The following PGAP2 variants were observed in gnomAD, a reference collection of about 807,000 sequenced individuals.
The protein encoded by PGAP2 is acyltransferase PGAP2.
Under a neutral mutation model 33.2 loss-of-function variants are expected in PGAP2, and 21 were observed. The observed-to-expected ratio is 0.63, with a 90% CI of 0.45 to 0.91. PGAP2 has a LOEUF of 0.91. PGAP2 is among the 40% of genes least tolerant of loss of function. The probability of loss-of-function intolerance (pLI) is 0.00; values close to 1 mark genes in which losing one functional copy is unlikely to be tolerated. For synonymous variants in PGAP2, 161 were observed against 172.9 expected, an observed-to-expected ratio of 0.93 and a Z score of 0.54; for missense variants, 345 against 424.0, an observed-to-expected ratio of 0.81 and a Z score of 1.64.
upstream of PGAP2, among the ~76,000 whole-genome samples, chr11:3,805,787 G>A (rs2084219007): frequency 1.3e-5 from 2 of 151,266 alleles, no homozygotes; most frequent in African/African-American, 4.9e-5. Flanking sequence ...CCCAGGTTCA[G>A]GTGATTCTCC....
chr11:3,808,156 G>A, upstream of PGAP2: 2 of 1,458,372 alleles, frequency 1.4e-6, no homozygotes, highest in East Asian at 2.5e-5. Context: ...GGGCGCCAGG[G>A]CTGGGAGGAA....
chr11:3,808,307 A>C (rs552525010), upstream of PGAP2: 2 of 1,551,556 alleles, frequency 1.3e-6, no homozygotes, highest in African/African-American at 2.7e-5. Flanking sequence ...GATGGAACGC[A>C]GCTGAGAGGT....
chr11:3,824,630 T>G (rs1277837485), intron 5 of PGAP2: 1 of 694,810 alleles, frequency 1.4e-6, no homozygotes, highest in African/African-American at 1.8e-5. Context: ...GGGGATAGAA[T>G]GAGGAGTCGC....
chr11:3,799,264 C>T (rs2083104014), intron 1 of PGAP2, among the ~76,000 whole-genome samples: 2 of 152,152 alleles, frequency 1.3e-5, no homozygotes, highest in South Asian at 2.1e-4. Context: ...ACTGGCCGGG[C>T]TGGTGGCTCA....
intron 3 of PGAP2, chr11:3,817,812 C>T (rs758508629): frequency 2.6e-5 from 15 of 578,136 alleles, no homozygotes; most frequent in South Asian, 9.2e-5. Context: ...CTCGGGAGGG[C>T]GAAGCCAGTG....
upstream of PGAP2, among the ~76,000 whole-genome samples, chr11:3,804,071 A>G (rs1018537758): frequency 6.6e-6 from 1 of 151,918 alleles, no homozygotes. Flanking sequence ...GATTACAGGC[A>G]TGAGCCACCA....
chr11:3,810,410 G>C (rs1456211726), intron 1 of PGAP2, among the ~76,000 whole-genome samples: 2 of 152,150 alleles, frequency 1.3e-5, no homozygotes, highest in African/African-American at 4.8e-5. Context: ...TCTGTATACT[G>C]TGCGGAGCTG....
Position 3,824,380 on chromosome 11 carries a change from C to CGGTCTATCCCT in PGAP2, c.708+5_708+15dup. Reference sequence around the variant, plus strand: ...GAAGCACACAGTAAGTCAGGAGGTACGGTCTATCCCTAGCGGGGGCTCCAA... The same window carrying CGGTCTATCCCT: ...GAAGCACACAGTAAGTCAGGAGGTACGGTCTATCCCTGGTCTATCCCTAGCGGGGGCTCCAA... On this transcript the variant is annotated splice_donor_region_variant and intron_variant, in intron 5 of 6. Transcript: ENST00000278243. 1 of 1,614,088 alleles carries CGGTCTATCCCT rather than the reference C, an allele frequency of 6.2e-7. No homozygotes were observed. Among genetic ancestry groups the CGGTCTATCCCT allele is most frequent in the Non-Finnish European group, 8.5e-7 (1 of 1,179,940 alleles).
chr11:3,807,622 A>G (rs1462493890), upstream of PGAP2, among the ~76,000 whole-genome samples: 27 of 151,936 alleles, frequency 1.8e-4, no homozygotes, highest in Non-Finnish European at 1.5e-5. Context: ...CAGGGTTTTT[A>G]TGAGGATTAA....
intron 2 of PGAP2, among the ~76,000 whole-genome samples, chr11:3,816,648 C>T (rs539627051): frequency 6.6e-6 from 1 of 152,238 alleles, no homozygotes; most frequent in Non-Finnish European, 1.5e-5. Context: ...GTCTGGGCTT[C>T]CACAGGGACC....
intron 1 of PGAP2, among the ~76,000 whole-genome samples, chr11:3,799,147 A>G (rs2083079402): frequency 6.6e-6 from 1 of 152,222 alleles, no homozygotes; most frequent in Non-Finnish European, 1.5e-5. Flanking sequence ...GCCCATTAGC[A>G]GAAAACTGAT....
upstream of PGAP2, among the ~76,000 whole-genome samples, chr11:3,804,228 A>G (rs1372213098): frequency 6.6e-6 from 1 of 152,112 alleles, no homozygotes; most frequent in Non-Finnish European, 1.5e-5. Flanking sequence ...ACGGAAGGAT[A>G]GAGTTTCCTG....
chr11:3,807,128 G>C (rs988582617), upstream of PGAP2, among the ~76,000 whole-genome samples: 3 of 151,456 alleles, frequency 2.0e-5, no homozygotes, highest in Non-Finnish European at 4.4e-5. Context: ...ACGAGGTCAG[G>C]AGTTTGACAC....
At chr11:3,799,259 C>T (rs2083100940) in intron 1 of PGAP2, among the ~76,000 whole-genome samples, 1 of 152,172 alleles carries the variant, frequency 6.6e-6, no homozygotes, top group African/African-American at 2.4e-5. Context: ...CGTATACTGG[C>T]CGGGCTGGTG....
intron 5 of PGAP2, 51 bp from the exon 6 acceptor site, chr11:3,824,969 A>T (rs2089753276): frequency 6.2e-7 from 1 of 1,611,328 alleles, no homozygotes; most frequent in African/African-American, 1.3e-5. Flanking sequence ...AGGGGAGCCC[A>T]CGCTCTCATA....
rs2085646698 is a variant in PGAP2, at chr11:3,811,884, CACTA to C, written c.165+461_165+464del. Among the ~76,000 whole-genome samples the C allele has an allele frequency of 6.6e-6, 1 of 152,138 alleles. No homozygotes were observed. Among genetic ancestry groups the C allele is most frequent in the African/African-American group, 2.4e-5 (1 of 41,430 alleles). ...GGGTATTTTGGGCCTCTTAATGTAG[CACTA>C]TGGGCTTGTGCCTGTCTCTGTAGGA... On this transcript the variant is annotated intron_variant, in intron 2 of 6. Coordinates refer to ENST00000278243, the MANE Select transcript of PGAP2 (RefSeq NM_014489.4). The surrounding 1 kb of genome is among the most constrained non-coding windows in gnomAD (Gnocchi z 4.6).
At chr11:3,808,378 G>T, upstream of PGAP2, 1 of 1,549,082 alleles carries the variant, frequency 6.5e-7, no homozygotes, top group South Asian at 1.2e-5. Flanking sequence ...TCTTCCGGCT[G>T]CCCTCACGCA....
chr11:3,819,192 C>G (rs560738726), intron 3 of PGAP2, among the ~76,000 whole-genome samples: 8 of 152,276 alleles, frequency 5.3e-5, no homozygotes, highest in Admixed American at 3.9e-4. Flanking sequence ...GCTGGGACTA[C>G]AGGTGCATGC....
At chr11:3,819,489 CG>C (rs2087982458) in intron 3 of PGAP2, among the ~76,000 whole-genome samples, 1 of 150,958 alleles carries the variant, frequency 6.6e-6, no homozygotes, top group East Asian at 1.9e-4. Flanking sequence ...TGGCATGGGG[CG>C]GGGGACAGTA....
Sources: allele counts gnomAD v4.1 joint callset (sites outside exome capture counted in the v4.1 genomes callset), GRCh38; gene constraint gnomAD v4.1.1; non-coding constraint Gnocchi (gnomAD v3.1); transcripts MANE v1.5; gene names NCBI Gene and HGNC (gene_info 2026-07-23, HGNC 2026-07-21).